TMEM17: variants seen among roughly 807,000 people sequenced by gnomAD.
TMEM17 encodes transmembrane protein 17.
A neutral mutation model predicts 19.1 loss-of-function variants in TMEM17; 15 were observed. The ratio of observed to expected loss-of-function variants is 0.78; its 90% confidence interval spans 0.52 to 1.21. The LOEUF is 1.21. Among genes scored for constraint, TMEM17 ranks in the 50% most tolerant of loss-of-function variants. The probability of loss-of-function intolerance (pLI) is 0.00; values close to 1 mark genes in which losing one functional copy is unlikely to be tolerated. For missense variants in TMEM17, 245 were observed against 242.3 expected (o/e 1.01, Z -0.07); for synonymous variants, 103 against 86.9 (o/e 1.19, Z -1.03).
the TMEM17 span, among the ~76,000 whole-genome samples, chr2:62,490,545 G>A: frequency 0.14 from 20,581 of 152,104 alleles, 1,829 homozygotes; most frequent in African/African-American, 0.25. Flanking sequence ...TTACAGGCAT[G>A]AGCAACAAGT....
At chr2:62,471,659 G>T in the TMEM17 span, among the ~76,000 whole-genome samples, 2 of 152,244 alleles carry the variant, frequency 1.3e-5, no homozygotes, top group African/African-American at 4.8e-5. Context: ...GGAGTGCTGG[G>T]GAGGGGGAGG....
chr2:62,458,479 C>T, the TMEM17 span, among the ~76,000 whole-genome samples: 1 of 152,190 alleles, frequency 6.6e-6, no homozygotes, highest in African/African-American at 2.4e-5. Flanking sequence ...CAAGATCCAC[C>T]AGCCATGAGG....
chr2:62,497,902 C>T (rs1030017549), downstream of TMEM17, among the ~76,000 whole-genome samples: 1 of 152,198 alleles, frequency 6.6e-6, no homozygotes, highest in Non-Finnish European at 1.5e-5. Context: ...CTCAGTGAAA[C>T]TCATTCAACA....
chr2:62,494,725 C>T, the TMEM17 span, among the ~76,000 whole-genome samples: 1 of 152,070 alleles, frequency 6.6e-6, no homozygotes, highest in African/African-American at 2.4e-5. Flanking sequence ...CATTTTTGGC[C>T]GGACGCAGTG....
At chr2:62,493,895 T>G in the TMEM17 span, among the ~76,000 whole-genome samples, 1 of 152,234 alleles carries the variant, frequency 6.6e-6, no homozygotes, top group Admixed American at 6.5e-5. Flanking sequence ...TCTACACACC[T>G]TATATTTTAA....
At chr2:62,484,780 GT>G in the TMEM17 span, among the ~76,000 whole-genome samples, 2 of 152,108 alleles carry the variant, frequency 1.3e-5, no homozygotes, top group South Asian at 4.1e-4. Context: ...CTGAAATCCT[GT>G]TTTTACTCCT....
chr2:62,469,210 T>C, the TMEM17 span, among the ~76,000 whole-genome samples: 5 of 152,226 alleles, frequency 3.3e-5, no homozygotes, highest in Admixed American at 6.5e-5. Flanking sequence ...AACCTCAGGT[T>C]CAGGCCAAAT....
the TMEM17 span, among the ~76,000 whole-genome samples, chr2:62,473,963 C>T: frequency 2.0e-5 from 3 of 152,012 alleles, no homozygotes; most frequent in Non-Finnish European, 2.9e-5. Context: ...TGAACAGAGA[C>T]GAGAAGGACT....
the TMEM17 span, among the ~76,000 whole-genome samples, chr2:62,480,484 T>G: frequency 5.8e-4 from 89 of 152,326 alleles, no homozygotes; most frequent in Non-Finnish European, 1.2e-3. Flanking sequence ...TTAAGAAATC[T>G]TTGCCCAGAT....
chr2:62,469,587 G>A, the TMEM17 span, among the ~76,000 whole-genome samples: 1 of 152,230 alleles, frequency 6.6e-6, no homozygotes, highest in South Asian at 2.1e-4. Context: ...AACATTTACA[G>A]TTGTTGGTTC....
At chr2:62,498,298 G>T (rs569591792), downstream of TMEM17, among the ~76,000 whole-genome samples, 1 of 151,630 alleles carries the variant, frequency 6.6e-6, no homozygotes, top group Admixed American at 6.6e-5. Flanking sequence ...GAGGCAGGAG[G>T]ATCACTTGAA....
the TMEM17 span, among the ~76,000 whole-genome samples, chr2:62,469,939 A>C: frequency 6.6e-6 from 1 of 152,126 alleles, no homozygotes; most frequent in Non-Finnish European, 1.5e-5. Flanking sequence ...GAGAGAGTCC[A>C]TCCCCACTCC....
At chr2:62,483,496 A>C in the TMEM17 span, among the ~76,000 whole-genome samples, 2 of 152,162 alleles carry the variant, frequency 1.3e-5, no homozygotes, top group African/African-American at 4.8e-5. Context: ...TGAACAGACA[A>C]AGCAAATAGA....
At chr2:62,484,689 T>A in the TMEM17 span, among the ~76,000 whole-genome samples, 1 of 152,174 alleles carries the variant, frequency 6.6e-6, no homozygotes, top group African/African-American at 2.4e-5. Context: ...CCCTTTACGT[T>A]ATGTAAACTC....
chr2:62,496,418 T>C (rs1162675968), downstream of TMEM17, among the ~76,000 whole-genome samples: 1 of 152,224 alleles, frequency 6.6e-6, no homozygotes, highest in Non-Finnish European at 1.5e-5. Flanking sequence ...TATCTAATGA[T>C]AGGAGAGAAG....
chr2:62,491,658 A>G, the TMEM17 span, among the ~76,000 whole-genome samples: 1 of 152,212 alleles, frequency 6.6e-6, no homozygotes, highest in South Asian at 2.1e-4. Context: ...AAAATGGGAA[A>G]TGGTATTATA....
chr2:62,455,537 C>T, the TMEM17 span, among the ~76,000 whole-genome samples: 11 of 152,210 alleles, frequency 7.2e-5, no homozygotes, highest in African/African-American at 1.9e-4. Context: ...GAGGCCAAGG[C>T]GGGTGGATCA....
chr2:62,456,409 C>G, the TMEM17 span, among the ~76,000 whole-genome samples: 1 of 152,344 alleles, frequency 6.6e-6, no homozygotes, highest in South Asian at 2.1e-4. Context: ...ATCTCTCTCT[C>G]TGTCTGCTTC....
chr2:62,497,074 A>T (rs138174980), downstream of TMEM17, among the ~76,000 whole-genome samples: 17 of 152,358 alleles, frequency 1.1e-4, no homozygotes, highest in Non-Finnish European at 2.2e-4. Flanking sequence ...ATTAGAAAAA[A>T]GACCCTCCTA....
Sources: allele counts gnomAD v4.1 joint callset (sites outside exome capture counted in the v4.1 genomes callset), GRCh38; gene constraint gnomAD v4.1.1; transcripts MANE v1.5; gene names NCBI Gene and HGNC (gene_info 2026-07-23, HGNC 2026-07-21).